ROBO2: variants seen among roughly 807,000 people sequenced by gnomAD.
ROBO2 encodes roundabout homolog 2.
ROBO2 carries 53 observed loss-of-function variants against 160.8 expected under a neutral mutation model. The ratio of observed to expected loss-of-function variants is 0.33; its 90% CI spans 0.26 to 0.41. The LOEUF is 0.41. ROBO2 is among the 10% of genes least tolerant of loss of function. ROBO2 has a pLI of 1.00. For synonymous variants in ROBO2, 664 were observed against 611.7 expected, an observed-to-expected ratio of 1.09 and a Z score of -1.26; for missense variants, 1,577 against 1,722.4, an observed-to-expected ratio of 0.92 and a Z score of 1.49.
chr3:76,508,645 G>A (rs774579407), intron 2 of ROBO2, among the ~76,000 whole-genome samples: 7 of 151,996 alleles, frequency 4.6e-5, no homozygotes, highest in Non-Finnish European at 7.4e-5. Flanking sequence ...TCCTTGGATC[G>A]ACATATATTT....
At chr3:75,978,813 A>C (rs1319403258) in intron 2 of ROBO2, among the ~76,000 whole-genome samples, 1 of 151,512 alleles carries the variant, frequency 6.6e-6, no homozygotes, top group Non-Finnish European at 1.5e-5. Flanking sequence ...CTACAAACTT[A>C]TGACATCTTA....
At chr3:76,041,092 T>C (rs547995498) in intron 2 of ROBO2, among the ~76,000 whole-genome samples, 1 of 152,176 alleles carries the variant, frequency 6.6e-6, no homozygotes, top group South Asian at 2.1e-4. Flanking sequence ...CAAACAATCT[T>C]TACTAGGATT....
At chr3:75,926,790 A>G (rs2106890726) in intron 1 of ROBO2, among the ~76,000 whole-genome samples, 1 of 152,312 alleles carries the variant, frequency 6.6e-6, no homozygotes. Flanking sequence ...ACAATTTTTA[A>G]GTTCACTAAT....
At chr3:76,803,006 A>G (rs1560589567) in intron 2 of ROBO2, among the ~76,000 whole-genome samples, 1 of 152,186 alleles carries the variant, frequency 6.6e-6, no homozygotes, top group East Asian at 1.9e-4. Context: ...AAGATCATGG[A>G]TAAATACAAT....
chr3:76,910,263 C>T (rs556842861), intron 2 of ROBO2, among the ~76,000 whole-genome samples: 1 of 152,204 alleles, frequency 6.6e-6, no homozygotes, highest in South Asian at 2.1e-4. Flanking sequence ...AAAACTTTTA[C>T]TGAATATAAA....
intron 2 of ROBO2, among the ~76,000 whole-genome samples, chr3:77,126,347 G>T (rs2075310226): frequency 2.0e-5 from 3 of 152,160 alleles, no homozygotes; most frequent in Non-Finnish European, 4.4e-5. Context: ...AAGCAATGAA[G>T]TAATCATCTG....
chr3:76,400,502 G>A (rs2077751699), intron 2 of ROBO2, among the ~76,000 whole-genome samples: 1 of 151,456 alleles, frequency 6.6e-6, no homozygotes, highest in Admixed American at 6.6e-5. Flanking sequence ...TTTGGACACT[G>A]AAATACAATT....
chr3:77,374,678 T>C (rs2072376450), intron 2 of ROBO2, among the ~76,000 whole-genome samples: 1 of 152,174 alleles, frequency 6.6e-6, no homozygotes, highest in Non-Finnish European at 1.5e-5. Flanking sequence ...TTTTATAGAG[T>C]TTACCATGTT....
intron 2 of ROBO2, among the ~76,000 whole-genome samples, chr3:76,251,018 C>T (rs1445864577): frequency 6.6e-6 from 1 of 151,978 alleles, no homozygotes; most frequent in African/African-American, 2.4e-5. Flanking sequence ...CAGCCTTGGC[C>T]TTTCATAGCA....
chr3:76,330,403 G>A (rs1315078558), intron 2 of ROBO2, among the ~76,000 whole-genome samples: 1 of 152,166 alleles, frequency 6.6e-6, no homozygotes, highest in Non-Finnish European at 1.5e-5. Context: ...ATGCCTGCAT[G>A]AGTATTAGAG....
intron 2 of ROBO2, among the ~76,000 whole-genome samples, chr3:76,984,542 A>T (rs1156374344): frequency 6.6e-6 from 1 of 152,158 alleles, no homozygotes; most frequent in African/African-American, 2.4e-5. Flanking sequence ...TCCAGGGGAG[A>T]TAGAAGCAGT....
chr3:77,460,352 G>A (rs953430045), intron 2 of ROBO2, among the ~76,000 whole-genome samples: 1 of 152,120 alleles, frequency 6.6e-6, no homozygotes, highest in African/African-American at 2.4e-5. Context: ...TTTTGGTAAT[G>A]TTGAGTTACT....
rs1471762961 is a variant in ROBO2 at position 76,808,325 on chromosome 3, A to T, written c.110-289689A>T. ...TAAGTTAACATATGAGATTGGACAT[A>T]ACTTTACAGTTTCAATAGTAAATAA... is the stretch of plus-strand genomic sequence containing the variant. On this transcript the variant is annotated intron_variant, in intron 2 of 26. Coordinates refer to the ROBO2 transcript ENST00000487694. 2.0e-5 allele frequency among the ~76,000 whole-genome samples: 3 copies of T among 152,118 alleles called. No homozygotes were observed. The East Asian group carries it at 5.8e-4, about 29-fold the overall frequency.
At chr3:76,734,113 G>A (rs1278677662) in intron 2 of ROBO2, among the ~76,000 whole-genome samples, 1 of 152,206 alleles carries the variant, frequency 6.6e-6, no homozygotes, top group East Asian at 1.9e-4. Flanking sequence ...CAGATTTGGG[G>A]TTTGTACTTC....
chr3:77,194,876 A>G (rs1248329819), intron 2 of ROBO2, among the ~76,000 whole-genome samples: 1 of 152,134 alleles, frequency 6.6e-6, no homozygotes, highest in Admixed American at 6.6e-5. Context: ...TCTATCACAA[A>G]TGCATTTTTA....
intron 2 of ROBO2, among the ~76,000 whole-genome samples, chr3:76,573,745 G>T (rs1265650030): frequency 6.6e-6 from 1 of 151,952 alleles, no homozygotes; most frequent in Non-Finnish European, 1.5e-5. Context: ...AGTTTCATAG[G>T]AGCAGCTAAG....
intron 2 of ROBO2, among the ~76,000 whole-genome samples, chr3:76,985,789 G>T (rs903572560): frequency 1.3e-5 from 2 of 151,970 alleles, no homozygotes; most frequent in African/African-American, 4.8e-5. Context: ...GGACCTCTTG[G>T]CTAGATATAG....
chr3:76,860,610 T>C (rs1010283436), intron 2 of ROBO2, among the ~76,000 whole-genome samples: 3 of 152,202 alleles, frequency 2.0e-5, no homozygotes, highest in African/African-American at 7.2e-5. Flanking sequence ...TGCTTCAGGC[T>C]AATCCTGCCA....
chr3:76,219,079 A>G, intron 2 of ROBO2, among the ~76,000 whole-genome samples: 1 of 152,236 alleles, frequency 6.6e-6, no homozygotes, highest in Non-Finnish European at 1.5e-5. Context: ...TCCCTATTTA[A>G]TAAATGGTGC....
Sources: allele counts gnomAD v4.1 joint callset (sites outside exome capture counted in the v4.1 genomes callset), GRCh38; gene constraint gnomAD v4.1.1; transcripts MANE v1.5; gene names NCBI Gene and HGNC (gene_info 2026-07-23, HGNC 2026-07-21).